The following CCDC68 variants were observed in gnomAD, a reference collection of about 807,000 sequenced individuals.
CCDC68 encodes coiled-coil domain-containing protein 68.
CCDC68 carries 45 observed loss-of-function variants against 47.1 expected under a neutral mutation model. That is an observed-to-expected ratio of 0.96 (90% CI 0.75 to 1.23). The LOEUF (loss-of-function observed/expected upper bound fraction) is 1.23, where lower values mean the gene tolerates loss of function less well. Among genes scored for constraint, CCDC68 ranks in the 50% most tolerant of loss-of-function variants. The pLI is 0.00. For missense variants in CCDC68, 353 were observed against 373.6 expected, an observed-to-expected ratio of 0.94 and a Z score of 0.45; for synonymous variants, 131 against 129.5, an observed-to-expected ratio of 1.01 and a Z score of -0.08.
chr18:54,932,693 C>A (rs12455922), intron 7 of CCDC68, among the ~76,000 whole-genome samples: 57,986 of 151,862 alleles, frequency 0.38, 11,286 homozygotes, highest in East Asian at 0.59. Context: ...CCCACTGTTG[C>A]GAGTTATTAT....
In CCDC68 at chr18:54,904,217, T is replaced by C. The variant is rs569675812; in HGVS notation, c.*141A>G. ...ATTTGTTTGATTTTCTGAAATGTCA[T>C]CTTCTTGCAAAGCCATTGGTATGTA... is the stretch of plus-strand genomic sequence containing the variant. On this transcript the variant is annotated 3_prime_UTR_variant, in exon 12 of 12. Coordinates refer to ENST00000591504, the MANE Select transcript of CCDC68 (RefSeq NM_025214.3). 33 of 628,496 alleles carry C rather than the reference T, an allele frequency of 5.3e-5. No individual in the cohort carries two copies. Among genetic ancestry groups the C allele is most frequent in the South Asian group, 1.1e-4 (5 of 46,034 alleles). The allele number at this position is 628,496 out of a possible 1,614,324, so 38.9% of individuals were successfully genotyped here.
In CCDC68 at chr18:54,911,180, T is replaced by C. The variant is rs149341605; in HGVS notation, c.874-3318A>G. Among the ~76,000 whole-genome samples, 380 of 152,132 alleles carry C rather than the reference T, an allele frequency of 2.5e-3. 2 individuals carry two copies. Among genetic ancestry groups the C allele is most frequent in the African/African-American group, 8.8e-3 (367 of 41,502 alleles). On this transcript the variant is annotated intron_variant, in intron 10 of 11. Coordinates refer to ENST00000591504, the MANE Select transcript of CCDC68 (RefSeq NM_025214.3). ...CTCCTGCCTCAGCCTCCCGAGTAGC[T>C]AGGATTACAAGCACGTGCTACCACA...
chr18:54,951,069 C>T (rs997703673), intron 1 of CCDC68, among the ~76,000 whole-genome samples: 1 of 149,880 alleles, frequency 6.7e-6, no homozygotes, highest in Non-Finnish European at 1.5e-5. Flanking sequence ...CTACCACGCC[C>T]GGCTAATTTT....
intron 1 of CCDC68, among the ~76,000 whole-genome samples, chr18:54,955,755 T>C (rs1304076325): frequency 6.6e-6 from 1 of 152,208 alleles, no homozygotes; most frequent in Non-Finnish European, 1.5e-5. Flanking sequence ...TCTCGCTCTG[T>C]TGCCCAGGCT....
intron 7 of CCDC68, among the ~76,000 whole-genome samples, chr18:54,934,467 G>A (rs976017818): frequency 4.6e-5 from 7 of 152,140 alleles, no homozygotes; most frequent in African/African-American, 1.7e-4. Context: ...ACAGGGAACT[G>A]CTACATTATT....
chr18:54,906,283 C>A (rs954659900), intron 11 of CCDC68, among the ~76,000 whole-genome samples: 1 of 152,050 alleles, frequency 6.6e-6, no homozygotes, highest in Non-Finnish European at 1.5e-5. Flanking sequence ...CTCATTTCAC[C>A]ACTTCAATTA....
chr18:54,944,267 G>A (rs1273462247), intron 2 of CCDC68, among the ~76,000 whole-genome samples: 1 of 151,924 alleles, frequency 6.6e-6, no homozygotes, highest in African/African-American at 2.4e-5. Flanking sequence ...AATATGTAAA[G>A]TGAGCTTATA....
chr18:54,918,020 G>A, intron 9 of CCDC68, 24 bp from the exon 10 acceptor site: 1 of 1,053,144 alleles, frequency 9.5e-7, no homozygotes, highest in Non-Finnish European at 1.4e-6. Flanking sequence ...AACACAATAG[G>A]AAAAACCTTG....
intron 10 of CCDC68, among the ~76,000 whole-genome samples, chr18:54,911,211 C>A (rs1380632491): frequency 8.3e-6 from 1 of 121,018 alleles, no homozygotes; most frequent in Non-Finnish European, 1.9e-5. Context: ...CCACAGCTGG[C>A]CATTTTTGTA....
intron 8 of CCDC68, among the ~76,000 whole-genome samples, chr18:54,924,874 C>T (rs2145462443): frequency 6.6e-6 from 1 of 152,290 alleles, no homozygotes; most frequent in African/African-American, 2.4e-5. Flanking sequence ...GACTTTCTCA[C>T]CGTGCCCTCT....
chr18:54,916,005 C>T (rs1382514580), intron 10 of CCDC68, among the ~76,000 whole-genome samples: 1 of 151,984 alleles, frequency 6.6e-6, no homozygotes, highest in African/African-American at 2.4e-5. Context: ...TATCAAGTAA[C>T]ATTTGCCAAA....
At chr18:54,955,371 CT>C (rs1230296388) in intron 1 of CCDC68, among the ~76,000 whole-genome samples, 2 of 151,946 alleles carry the variant, frequency 1.3e-5, no homozygotes, top group Admixed American at 1.3e-4. Context: ...TTTTGATGCT[CT>C]TTTTTTTCCC....
chr18:54,937,654 T>C lies in CCDC68; in HGVS notation c.345+303A>G, dbSNP rs182288445. On this transcript the variant is annotated intron_variant, in intron 5 of 11. Transcript: ENST00000591504. ...GATGTACTAAGTGTACAGTACAGTATTGTTAACTATAGACACAATGTTATG... is the reference window on the plus strand; with the variant it reads ...GATGTACTAAGTGTACAGTACAGTACTGTTAACTATAGACACAATGTTATG... The C allele has an allele frequency of 4.5e-3, 1,067 of 236,310 alleles. 52 individuals carry two copies. In the Admixed American group the frequency reaches 0.054, roughly 12 times the overall value. The allele number at this position is 236,310 out of a possible 1,614,324, so 14.6% of individuals were successfully genotyped here. A position where few individuals can be genotyped will look rare whatever the true frequency, so the allele number is the denominator to read the frequency against.
chr18:54,938,005 G>A lies in CCDC68; in HGVS notation c.297C>T (p.Asp99=). The stretch of plus-strand genomic sequence containing the variant: ...CTTTGTTCATTTCTAAGAGCTGTAG[G>A]TCTTTTCCTTTTATCTTTTTCATAA... ...DLLMKKIKGK[D]LQLLEMNKEN... is the part of the protein sequence containing the mutation. The change falls in exon 5 of 12, where the codon GAC becomes GAT. Residue 99 remains aspartate, a synonymous_variant. Transcript: ENST00000591504. The A allele has an allele frequency of 6.2e-7, 1 of 1,613,152 alleles. No individual in the cohort carries two copies. Among genetic ancestry groups the A allele is most frequent in the South Asian group, 1.1e-5 (1 of 90,994 alleles).
chr18:54,939,148 T>G (rs899319622), intron 4 of CCDC68, among the ~76,000 whole-genome samples: 1 of 152,228 alleles, frequency 6.6e-6, no homozygotes, highest in Non-Finnish European at 1.5e-5. Context: ...GAACTTAGTG[T>G]ATGTGGATAA....
chr18:54,921,645 C>T (rs891921650), intron 8 of CCDC68, among the ~76,000 whole-genome samples: 2 of 152,162 alleles, frequency 1.3e-5, no homozygotes, highest in African/African-American at 2.4e-5. Flanking sequence ...CAAGAACACG[C>T]GTCAAGCGTG....
intron 11 of CCDC68, among the ~76,000 whole-genome samples, chr18:54,905,947 C>T (rs984219034): frequency 1.3e-5 from 2 of 152,164 alleles, no homozygotes; most frequent in Non-Finnish European, 2.9e-5. Context: ...ATCTAGGTTG[C>T]GTGCTCCTTA....
intron 7 of CCDC68, among the ~76,000 whole-genome samples, chr18:54,930,790 C>T (rs2044242892): frequency 6.6e-6 from 1 of 150,568 alleles, no homozygotes; most frequent in East Asian, 2.0e-4. Flanking sequence ...GCGATCCTGG[C>T]TCACTGCAAC....
At chr18:54,928,162 TTATGA>T (rs1184477440) in intron 8 of CCDC68, among the ~76,000 whole-genome samples, 1 of 152,198 alleles carries the variant, frequency 6.6e-6, no homozygotes, top group African/African-American at 2.4e-5. Context: ...ATAAAATGTC[TTATGA>T]TATGATTTAT....
Sources: gnomAD v4.1 joint callset for allele counts (sites outside exome capture counted in the v4.1 genomes callset) on GRCh38, gnomAD v4.1.1 for gene constraint, MANE v1.5 for transcripts, NCBI Gene and HGNC (gene_info 2026-07-23, HGNC 2026-07-21) for gene names.